The following RASAL1 variants were observed in gnomAD, a reference collection of about 807,000 sequenced individuals.
RASAL1 encodes rasGAP-activating-like protein 1.
In RASAL1, 72 loss-of-function variants were observed where a neutral mutation model predicts 96.6. The ratio of observed to expected loss-of-function variants is 0.75; its 90% CI spans 0.62 to 0.91. The LOEUF (loss-of-function observed/expected upper bound fraction) is 0.91, where lower values mean the gene tolerates loss of function less well. RASAL1 is among the 40% of genes least tolerant of loss of function. The probability of loss-of-function intolerance (pLI) is 0.00; values close to 1 mark genes in which losing one functional copy is unlikely to be tolerated. For missense variants in RASAL1, 1,016 were observed against 1,072.5 expected (o/e 0.95, Z 0.74); for synonymous variants, 405 against 430.4 (o/e 0.94, Z 0.73).
chr12:113,114,850 C>T lies in RASAL1; in HGVS notation c.1131G>A (p.Glu377=), dbSNP rs1592920945. ...AGGGATCCAGCTCCATGTACTTCTT[C>T]TCCTCAAAGACACGGCTAATCACAG... ...LKPVISRVFE[E]KKYMELDPCK... Residue 377 remains glutamate (E), a synonymous_variant, in exon 12 of 21, where the codon GAG becomes GAA. Coordinates refer to ENST00000548055, the MANE Select transcript of RASAL1 (RefSeq NM_001301202.2). The T allele has an allele frequency of 1.2e-6, 2 of 1,614,184 alleles. No homozygotes were observed. The highest frequency in any genetic ancestry group is 1.7e-6 in the Non-Finnish European group (2 of 1,180,014).
rs1463912218 is a variant in RASAL1, at chr12:113,115,162, G to A, written c.1068+38C>T. On this transcript the variant is annotated intron_variant, in intron 11 of 20. Transcript: ENST00000548055. The surrounding 1 kb of genome is among the most constrained non-coding windows in gnomAD (Gnocchi z 4.1). Reference sequence around the variant, plus strand: ...AGGCACTGGGAAGGAGGTACCCGAGGAAGCTGCGCCTGGTCCCGCAGGCCT... The same window carrying A: ...AGGCACTGGGAAGGAGGTACCCGAGAAAGCTGCGCCTGGTCCCGCAGGCCT... 6.3e-7 allele frequency: 1 copy of A among 1,575,926 alleles called. No homozygotes were observed. The highest frequency in any genetic ancestry group is 8.7e-7 in the Non-Finnish European group (1 of 1,145,872).
In RASAL1 at chr12:113,107,388, C is replaced by T. The variant is rs553928016; in HGVS notation, c.1513-147G>A. 1.1e-4 allele frequency: 105 copies of T among 920,886 alleles called. No individual in the cohort carries two copies. In the East Asian group the frequency reaches 2.1e-3, roughly 18 times the overall value. The allele number at this position is 920,886 out of a possible 1,614,324, so 57.0% of individuals were successfully genotyped here. A position where few individuals can be genotyped will look rare whatever the true frequency, so the allele number is the denominator to read the frequency against. On this transcript the variant is annotated intron_variant, in intron 14 of 20. Coordinates refer to ENST00000548055, the MANE Select transcript of RASAL1 (RefSeq NM_001301202.2). Reference sequence around the variant, plus strand: ...CTGTAATCCCAGCACTTTGGGAGGCCGAAGTAAGCGGATCACTTGAGGTCA... The same window carrying T: ...CTGTAATCCCAGCACTTTGGGAGGCTGAAGTAAGCGGATCACTTGAGGTCA...
Position 113,116,054 on chromosome 12 carries a change from G to A in RASAL1, c.732-3C>T, listed in dbSNP as rs1020306571. On this transcript the variant is annotated splice_polypyrimidine_tract_variant and splice_region_variant and intron_variant, in intron 8 of 20. Coordinates refer to ENST00000548055, the MANE Select transcript of RASAL1 (RefSeq NM_001301202.2). ...CTCGCAGGGCACCCAGGTTCCCCCT[G>A]TCCAGGATCAGATCATAAGAAAATG... 6 of 1,567,626 alleles carry A rather than the reference G, an allele frequency of 3.8e-6. No homozygotes were observed. The highest frequency in any genetic ancestry group is 5.2e-6 in the Non-Finnish European group (6 of 1,156,340).
intron 13 of RASAL1, among the ~76,000 whole-genome samples, chr12:113,111,446 C>T (rs527449348): frequency 1.6e-4 from 24 of 152,204 alleles, no homozygotes; most frequent in Non-Finnish European, 2.9e-4. Context: ...TTTCCTCCTC[C>T]GTAAAATGGG....
chr12:113,126,940 T>TTTACATATAATTA (rs1280754546), intron 4 of RASAL1, among the ~76,000 whole-genome samples: 26 of 148,876 alleles, frequency 1.7e-4, no homozygotes, highest in African/African-American at 5.9e-4. Context: ...CAGAATAATA[T>TTTACATATAATTA]TTATATATAA....
intron 13 of RASAL1, among the ~76,000 whole-genome samples, chr12:113,109,882 G>C (rs1015915361): frequency 6.6e-6 from 1 of 152,196 alleles, no homozygotes; most frequent in Non-Finnish European, 1.5e-5. Context: ...CAGCTCATTT[G>C]TTTCCTCCTT....
intron 11 of RASAL1, 86 bp from the exon 12 acceptor site, chr12:113,114,998 G>A: frequency 8.2e-7 from 1 of 1,217,760 alleles, no homozygotes; most frequent in East Asian, 2.3e-5. Flanking sequence ...GACCATGCAG[G>A]AAGAGGTTCA....
In RASAL1 at chr12:113,103,940, C is replaced by G. The variant is rs1323643515; in HGVS notation, c.2104+6G>C. Reference sequence around the variant, plus strand: ...GCGGAGCCTGCAGTCCGCCCTGCCCCCTCACCTGAGCGCTCAGCCTGGAGG... The same window carrying G: ...GCGGAGCCTGCAGTCCGCCCTGCCCGCTCACCTGAGCGCTCAGCCTGGAGG... On this transcript the variant is annotated splice_donor_region_variant and intron_variant, in intron 18 of 20. Transcript: ENST00000548055. 7 of 1,552,558 alleles carry G rather than the reference C, an allele frequency of 4.5e-6. No homozygotes were observed. The highest frequency in any genetic ancestry group is 3.5e-5 in the South Asian group (3 of 84,678).
chr12:113,100,645 G>A lies in RASAL1; in HGVS notation c.2261C>T (p.Thr754Ile), dbSNP rs201490687. 2.4e-4 allele frequency: 391 copies of A among 1,610,330 alleles called. 3 individuals are homozygous for A. The highest frequency in any genetic ancestry group is 1.3e-5 in the African/African-American group (1 of 74,820). The change falls in exon 20 of 21, where the codon ACT becomes ATT. Residue 754 changes from threonine to isoleucine, a missense_variant. Transcript: ENST00000548055. ...GCCCTTACCTGTGTCTGCCTCCAGA[G>A]TTGTATCCATGTTAGAATCCTCCAG... The part of the protein sequence containing the change: ...KLLEDSNMDT[T>I]LEADTGACPE...
chr12:113,102,999 A>G, intron 18 of RASAL1: 1 of 255,154 alleles, frequency 3.9e-6, no homozygotes, highest in Non-Finnish European at 7.8e-6. Context: ...GGTCACATTT[A>G]AGCAGCACCT....
intron 20 of RASAL1, 34 bp from the exon 21 acceptor site, chr12:113,100,102 C>G (rs1442324203): frequency 6.4e-7 from 1 of 1,559,794 alleles, no homozygotes; most frequent in South Asian, 1.2e-5. Context: ...AGGGGCTCAG[C>G]CAGTCCAGGG....
intron 18 of RASAL1, chr12:113,103,120 A>G (rs1374133790): frequency 1.1e-5 from 3 of 269,910 alleles, no homozygotes; most frequent in South Asian, 1.1e-4. Context: ...ATTGTTATAC[A>G]TTGTAATACA....
At chr12:113,109,925 G>C (rs912667647) in intron 13 of RASAL1, among the ~76,000 whole-genome samples, 1 of 152,270 alleles carries the variant, frequency 6.6e-6, no homozygotes, top group Non-Finnish European at 1.5e-5. Context: ...CAGTGCAGCA[G>C]AGAAAGGGGC....
At chr12:113,110,044 T>C (rs995449840) in intron 13 of RASAL1, among the ~76,000 whole-genome samples, 1 of 152,222 alleles carries the variant, frequency 6.6e-6, no homozygotes, top group Non-Finnish European at 1.5e-5. Context: ...ATACGAGGTC[T>C]AGGCTGTCTG....
chr12:113,105,628 G>C (rs1180149283), intron 16 of RASAL1, 86 bp downstream of exon 16: 1 of 1,395,484 alleles, frequency 7.2e-7, no homozygotes, highest in Admixed American at 2.3e-5. Flanking sequence ...CCCACTGTGG[G>C]CCTCAGTTTC....
rs1215976658 is a variant in RASAL1 at position 113,115,289 on chromosome 12, G to A, written c.1004-25C>T. 6.2e-7 allele frequency: 1 copy of A among 1,604,812 alleles called. No homozygotes were observed. The highest frequency in any genetic ancestry group is 8.5e-7 in the Non-Finnish European group (1 of 1,171,626). ...ACTGGGAGGACAGGAGGAAGTGTTT[G>A]CTGGGATTTAGGGAGCTGAACCCAG... is the stretch of plus-strand genomic sequence containing the variant. On this transcript the variant is annotated intron_variant, in intron 10 of 20. Transcript: ENST00000548055. This position sits in a 1 kb window ranked among gnomAD's most constrained non-coding sequence, Gnocchi z 4.1.
intron 4 of RASAL1, 147 bp from the exon 5 acceptor site, chr12:113,121,785 A>G (rs2136214960): frequency 1.1e-6 from 1 of 930,230 alleles, no homozygotes; most frequent in Non-Finnish European, 1.6e-6. Context: ...GCAGTGGCAC[A>G]ATTTTGGCTC....
intron 1 of RASAL1, among the ~76,000 whole-genome samples, chr12:113,133,473 T>A (rs543727937): frequency 1.3e-5 from 2 of 152,308 alleles, no homozygotes; most frequent in East Asian, 3.9e-4. Context: ...TATGAAGTGT[T>A]AAGCACAGGG....
At chr12:113,102,411 A>T (rs962715681) in intron 18 of RASAL1, among the ~76,000 whole-genome samples, 1 of 151,592 alleles carries the variant, frequency 6.6e-6, no homozygotes, top group Non-Finnish European at 1.5e-5. Flanking sequence ...TACAAAAATT[A>T]GCCAGGCGTG....
Sources: allele counts gnomAD v4.1 joint callset (sites outside exome capture counted in the v4.1 genomes callset), GRCh38; gene constraint gnomAD v4.1.1; non-coding constraint Gnocchi (gnomAD v3.1); transcripts MANE v1.5; gene names NCBI Gene and HGNC (gene_info 2026-07-23, HGNC 2026-07-21).